Variants in DCPS observed in about 807,000 individuals in gnomAD.
DCPS encodes m7GpppX diphosphatase.
DCPS carries 27 observed loss-of-function variants against 34.7 expected under a neutral mutation model. The ratio of observed to expected loss-of-function variants is 0.78; its 90% CI spans 0.57 to 1.07. The LOEUF is 1.07. Ranked by LOEUF, DCPS falls within the 50% of genes least tolerant of loss-of-function variation. The pLI, the probability that DCPS is intolerant of heterozygous loss-of-function variation, is 0.00. For missense variants in DCPS, 464 were observed against 436.9 expected, an observed-to-expected ratio of 1.06 and a Z score of -0.55; for synonymous variants, 185 against 185.7, an observed-to-expected ratio of 1.00 and a Z score of 0.03.
chr11:126,316,342 T>C (rs1341753875), intron 2 of DCPS, among the ~76,000 whole-genome samples: 4 of 151,860 alleles, frequency 2.6e-5, no homozygotes, highest in African/African-American at 9.7e-5. Flanking sequence ...TTTTTTTTTT[T>C]CAGCTCATCA....
In DCPS at chr11:126,313,602, C is replaced by T. The variant is rs762749576; in HGVS notation, c.376+6858C>T. 4.6e-5 allele frequency among the ~76,000 whole-genome samples: 7 copies of T among 151,978 alleles called. No homozygotes were observed. Among genetic ancestry groups the T allele is most frequent in the Non-Finnish European group, 8.8e-5 (6 of 67,998 alleles). ...TACACATGGTGCGATTAAAATGGTA[C>T]AAAGTTGAAAAACAAGCAGAACTGA... is the stretch of plus-strand genomic sequence containing the variant. On this transcript the variant is annotated intron_variant, in intron 2 of 5. Transcript: ENST00000263579. This position sits in a 1 kb window ranked among gnomAD's most constrained non-coding sequence, Gnocchi z 4.9.
chr11:126,335,387 T>C lies in DCPS; in HGVS notation c.523-2899T>C, dbSNP rs528362156. Among the ~76,000 whole-genome samples, 1 of 152,352 alleles carries C rather than the reference T, an allele frequency of 6.6e-6. No individual in the cohort carries two copies. The highest frequency in any genetic ancestry group is 1.9e-4 in the East Asian group (1 of 5,186). On this transcript the variant is annotated intron_variant, in intron 3 of 5. Transcript: ENST00000263579. The surrounding 1 kb of genome is among the most constrained non-coding windows in gnomAD (Gnocchi z 4.8). ...AGTTCTTGGGCATGGTTTCAGATGGTGGCACTCCCCATTACATAGCTCTCT... is the reference window on the plus strand; with the variant it reads ...AGTTCTTGGGCATGGTTTCAGATGGCGGCACTCCCCATTACATAGCTCTCT...
In DCPS at chr11:126,323,853, T is replaced by C. The variant is rs1031304012; in HGVS notation, c.377-7552T>C. On this transcript the variant is annotated intron_variant, in intron 2 of 5. Transcript: ENST00000263579. This position sits in a 1 kb window ranked among gnomAD's most constrained non-coding sequence, Gnocchi z 4.4. The stretch of plus-strand genomic sequence containing the variant: ...TTGTTTTTTTGTTTGTTTTTTGAGA[T>C]GGTGTCTTGCTCTGTTGCCCAGACT... Among the ~76,000 whole-genome samples the C allele has an allele frequency of 2.0e-5, 3 of 152,124 alleles. No homozygotes were observed. The highest frequency in any genetic ancestry group is 7.2e-5 in the African/African-American group (3 of 41,416).
rs111564760 is a variant in DCPS at position 126,339,195 on chromosome 11, G to T, written c.636+796G>T. Among the ~76,000 whole-genome samples the T allele has an allele frequency of 2.2e-3, 328 of 152,318 alleles. 1 individual carries two copies. The highest frequency in any genetic ancestry group is 7.3e-3 in the African/African-American group (304 of 41,582). ...TCAGCCTGCAACAGAAGAAGGGCCT[G>T]GATAAGGCCGAGGTAGGCAGGCAGG... On this transcript the variant is annotated intron_variant, in intron 4 of 5. Coordinates refer to ENST00000263579, the MANE Select transcript of DCPS (RefSeq NM_014026.6).
rs1158155160 is a variant in DCPS at position 126,346,320 on chromosome 11, C to G, written c.*707C>G. On this transcript the variant is annotated 3_prime_UTR_variant, in exon 6 of 6. Transcript: ENST00000263579. This position sits in a 1 kb window ranked among gnomAD's most constrained non-coding sequence, Gnocchi z 4.1. ...TCGGCAGGAAGACAAAACAGACTCACATGAAGCAGCCAGAAGATCAAGTGC... is the reference window on the plus strand; with the variant it reads ...TCGGCAGGAAGACAAAACAGACTCAGATGAAGCAGCCAGAAGATCAAGTGC... Among the ~76,000 whole-genome samples the G allele has an allele frequency of 6.6e-6, 1 of 152,188 alleles. No homozygotes were observed. The highest frequency in any genetic ancestry group is 1.5e-5 in the Non-Finnish European group (1 of 68,036).
In DCPS at chr11:126,349,962, A is replaced by G. The variant is rs543403749; in HGVS notation, c.*4349A>G. On this transcript the variant is annotated 3_prime_UTR_variant, in exon 6 of 6. Transcript: ENST00000263579. This position sits in a 1 kb window ranked among gnomAD's most constrained non-coding sequence, Gnocchi z 5.4. ...AATGAAATCTGTTTCAAGCGTTTCA[A>G]TTTCAATACAATTTAATAAACAGGC... Among the ~76,000 whole-genome samples the G allele has an allele frequency of 6.6e-6, 1 of 152,220 alleles. No individual in the cohort carries two copies. The highest frequency in any genetic ancestry group is 1.5e-5 in the Non-Finnish European group (1 of 68,036).
At chr11:126,304,434 C>A in intron 1 of DCPS, 153 bp downstream of exon 1, 1 of 777,860 alleles carries the variant, frequency 1.3e-6, no homozygotes, top group Non-Finnish European at 2.0e-6. Context: ...CATAGAGGGG[C>A]GGTGAAAGGC....
chr11:126,331,214 G>C lies in DCPS; in HGVS notation c.377-191G>C, dbSNP rs936220622. ...GAACCTTGTGTTTTCCAGATTCTGAGTGTGGCTCAGCTCGTGAATGCAGTG... is the reference window on the plus strand; with the variant it reads ...GAACCTTGTGTTTTCCAGATTCTGACTGTGGCTCAGCTCGTGAATGCAGTG... On this transcript the variant is annotated intron_variant, in intron 2 of 5. Coordinates refer to ENST00000263579, the MANE Select transcript of DCPS (RefSeq NM_014026.6). This position sits in a 1 kb window ranked among gnomAD's most constrained non-coding sequence, Gnocchi z 7.2. Among the ~76,000 whole-genome samples, 20 of 152,178 alleles carry C rather than the reference G, an allele frequency of 1.3e-4. No individual in the cohort carries two copies. Among genetic ancestry groups the C allele is most frequent in the African/African-American group, 4.1e-4 (17 of 41,436 alleles).
chr11:126,319,758 C>T lies in DCPS; in HGVS notation c.377-11647C>T, dbSNP rs544067659. Among the ~76,000 whole-genome samples, 9 of 152,096 alleles carry T rather than the reference C, an allele frequency of 5.9e-5. No individual in the cohort carries two copies. Among genetic ancestry groups the T allele is most frequent in the Non-Finnish European group, 8.8e-5 (6 of 68,020 alleles). ...CAGCACAGGTATCTTAGGAACGGCC[C>T]GAAAGAGGTTGGGCCTTTGGGATAC... On this transcript the variant is annotated intron_variant, in intron 2 of 5. Transcript: ENST00000263579. This position sits in a 1 kb window ranked among gnomAD's most constrained non-coding sequence, Gnocchi z 4.5.
At chr11:126,340,825 CTG>C in intron 4 of DCPS, 1 of 152,356 alleles carries the variant, frequency 6.6e-6, no homozygotes, top group South Asian at 2.1e-4. Context: ...TTGCTAGAGA[CTG>C]TGCCTCCTTA....
rs1951722144 is a variant in DCPS, at chr11:126,323,630, G to C, written c.377-7775G>C. Among the ~76,000 whole-genome samples, 1 of 151,882 alleles carries C rather than the reference G, an allele frequency of 6.6e-6. No individual in the cohort carries two copies. The highest frequency in any genetic ancestry group is 1.5e-5 in the Non-Finnish European group (1 of 67,978). ...AGCTCACTGCAGCCTTGACCTTCCA[G>C]GCTCAAGCGATCCTCCCACCACCTC... On this transcript the variant is annotated intron_variant, in intron 2 of 5. Transcript: ENST00000263579. The surrounding 1 kb of genome is among the most constrained non-coding windows in gnomAD (Gnocchi z 4.4).
rs1028149074 is a variant in DCPS at position 126,349,271 on chromosome 11, C to G, written c.*3658C>G. ...GCTGCAGAGTGCCTCATGTGTTGAA[C>G]TGTGTGCCCTCAGAAGCATGCCATG... On this transcript the variant is annotated 3_prime_UTR_variant, in exon 6 of 6. Transcript: ENST00000263579. This position sits in a 1 kb window ranked among gnomAD's most constrained non-coding sequence, Gnocchi z 5.4. Among the ~76,000 whole-genome samples, 8 of 152,250 alleles carry G rather than the reference C, an allele frequency of 5.3e-5. No homozygotes were observed. Among genetic ancestry groups the G allele is most frequent in the Non-Finnish European group, 1.2e-4 (8 of 68,048 alleles).
chr11:126,326,498 G>C (rs535667415), intron 2 of DCPS, among the ~76,000 whole-genome samples: 1 of 152,170 alleles, frequency 6.6e-6, no homozygotes, highest in African/African-American at 2.4e-5. Flanking sequence ...TCATTTTTGC[G>C]TGTCAGGCTT....
chr11:126,305,498 G>A (rs1951556612), intron 1 of DCPS, among the ~76,000 whole-genome samples: 1 of 131,146 alleles, frequency 7.6e-6, no homozygotes, highest in East Asian at 2.3e-4. Flanking sequence ...TTGGCTCACT[G>A]CAACCTCCAC....
Position 126,346,297 on chromosome 11 carries a change from G to C in DCPS, c.*684G>C, listed in dbSNP as rs977683503. Among the ~76,000 whole-genome samples, 1 of 152,092 alleles carries C rather than the reference G, an allele frequency of 6.6e-6. No individual in the cohort carries two copies. The highest frequency in any genetic ancestry group is 2.4e-5 in the African/African-American group (1 of 41,412). ...GTCCCCAGCCTTGAGTTTTTATCTC[G>C]GCAGGAAGACAAAACAGACTCACAT... On this transcript the variant is annotated 3_prime_UTR_variant, in exon 6 of 6. Transcript: ENST00000263579. The surrounding 1 kb of genome is among the most constrained non-coding windows in gnomAD (Gnocchi z 4.1).
intron 2 of DCPS, among the ~76,000 whole-genome samples, chr11:126,310,727 G>T (rs1951613213): frequency 6.6e-6 from 1 of 152,236 alleles, no homozygotes; most frequent in African/African-American, 2.4e-5. Flanking sequence ...CTGTGGGAAG[G>T]CCAGCTAAGT....
Position 126,322,389 on chromosome 11 carries a change from T to C in DCPS, c.377-9016T>C, listed in dbSNP as rs952388056. Among the ~76,000 whole-genome samples, 3 of 151,928 alleles carry C rather than the reference T, an allele frequency of 2.0e-5. No homozygotes were observed. The highest frequency in any genetic ancestry group is 6.6e-5 in the Admixed American group (1 of 15,252). On this transcript the variant is annotated intron_variant, in intron 2 of 5. Coordinates refer to ENST00000263579, the MANE Select transcript of DCPS (RefSeq NM_014026.6). The surrounding 1 kb of genome is among the most constrained non-coding windows in gnomAD (Gnocchi z 4.2). ...AGCAATTCTCCTGTCTCATTCTCTC[T>C]AGTAGCTGGGATTACAGGCGCACAC...
At chr11:126,307,144 C>T (rs1951576548) in intron 2 of DCPS, among the ~76,000 whole-genome samples, 1 of 151,850 alleles carries the variant, frequency 6.6e-6, no homozygotes, top group South Asian at 2.1e-4. Context: ...AGACTCTCGG[C>T]CAACATGGTG....
rs369643672 is a variant in DCPS at position 126,331,443 on chromosome 11, C to G, written c.415C>G (p.His139Asp). 6.2e-7 allele frequency: 1 copy of G among 1,614,062 alleles called. No homozygotes were observed. Among genetic ancestry groups the G allele is most frequent in the Non-Finnish European group, 8.5e-7 (1 of 1,180,032 alleles). Reference sequence around the variant, plus strand: ...CGTGGTTTACCCTGCCACAGAGAAACACCTGCAGAAGTACCTGCGCCAGGA... The same window carrying G: ...CGTGGTTTACCCTGCCACAGAGAAAGACCTGCAGAAGTACCTGCGCCAGGA... ...TTVVYPATEK[H>D]LQKYLRQDLR... is the part of the protein sequence containing the mutation. The change falls in exon 3 of 6, where the codon CAC becomes GAC. Residue 139 changes from histidine to aspartate, a missense_variant. Transcript: ENST00000263579. The surrounding 1 kb of genome is among the most constrained non-coding windows in gnomAD (Gnocchi z 7.2).
Sources: allele counts gnomAD v4.1 joint callset (sites outside exome capture counted in the v4.1 genomes callset), GRCh38; gene constraint gnomAD v4.1.1; non-coding constraint Gnocchi (gnomAD v3.1); transcripts MANE v1.5; gene names NCBI Gene and HGNC (gene_info 2026-07-23, HGNC 2026-07-21).